Variants in TTN observed in about 807,000 individuals in gnomAD.
The protein encoded by TTN is connectin.
In TTN, 1,525 loss-of-function variants were observed where a neutral mutation model predicts 3,223.0. That is an observed-to-expected ratio of 0.47 (90% CI 0.45 to 0.49). TTN has a LOEUF of 0.49. TTN is among the 20% of genes least tolerant of loss of function. TTN has a pLI of 0.00. For synonymous variants in TTN, 14,094 were observed against 15,161.0 expected, an observed-to-expected ratio of 0.93 and a Z score of 5.17; for missense variants, 40,786 against 43,424.0, an observed-to-expected ratio of 0.94 and a Z score of 5.40.
At chr2:178,686,784 C>G (rs529263845) in intron 127 of TTN, among the ~76,000 whole-genome samples, 5 of 152,248 alleles carry the variant, frequency 3.3e-5, no homozygotes, top group African/African-American at 1.2e-4. Flanking sequence ...GTAAACCTAA[C>G]AAGCCACCCA....
intron 120 of TTN, 115 bp downstream of exon 120, chr2:178,692,382 A>G (rs776707538): frequency 9.7e-7 from 1 of 1,033,802 alleles, no homozygotes; most frequent in Non-Finnish European, 1.4e-6. Context: ...CAATATACAC[A>G]GAATTAAATA....
chr2:178,689,969 A>G (rs2071940721), intron 121 of TTN, 73 bp from the exon 122 acceptor site: 3 of 1,258,176 alleles, frequency 2.4e-6, no homozygotes, highest in South Asian at 2.6e-5. Context: ...CACATGCACA[A>G]ATCTTTATGT....
At position 178,579,269 on chromosome 2, in the gene TTN, C is replaced by T; in HGVS notation, c.67761G>A (p.Gly22587=). Residue 22587 remains glycine, a synonymous_variant, in exon 320 of 363, where the codon GGG becomes GGA. Transcript: ENST00000589042. ...KPAPSVSWKK[G]EDPLATDTRV... is the part of the protein sequence containing the mutation. Reference sequence around the variant, plus strand: ...TAGTGTCAGTTGCTAGAGGATCTTCCCCTTTCTTCCAGGAGACTGATGGAG... The same window carrying T: ...TAGTGTCAGTTGCTAGAGGATCTTCTCCTTTCTTCCAGGAGACTGATGGAG... 1 of 1,613,270 alleles carries T rather than the reference C, an allele frequency of 6.2e-7. No homozygotes were observed. The highest frequency in any genetic ancestry group is 8.5e-7 in the Non-Finnish European group (1 of 1,179,512).
At chr2:178,759,229 T>G in intron 43 of TTN, 57 bp from the exon 44 acceptor site, 1 of 1,560,120 alleles carries the variant, frequency 6.4e-7, no homozygotes, top group Non-Finnish European at 8.8e-7. Context: ...ATTTTTACAA[T>G]TTACCTGCAA....
chr2:178,723,690 G>T lies in TTN; in HGVS notation c.21410C>A (p.Pro7137His), dbSNP rs886043853. 1 of 1,580,130 alleles carries T rather than the reference G, an allele frequency of 6.3e-7. No homozygotes were observed. The highest frequency in any genetic ancestry group is 8.6e-7 in the Non-Finnish European group (1 of 1,166,056). Residue 7137 changes from proline to histidine, a missense_variant, in exon 74 of 363, where the codon CCC becomes CAC. By Grantham distance (77) the Pro-to-His change is moderately conservative. Transcript: ENST00000589042. The part of the protein sequence containing the change: ...CRAVLTVQEP[P>H]SFVKEPEPLE... ...AGGTTCAGGTTCTTTCACAAAAGAG[G>T]GTGGTTCTATATAGACATGGAGAAC...
At position 178,652,674 on chromosome 2, in the gene TTN, G is replaced by A. The variant is rs1229690337; in HGVS notation, c.39022C>T (p.Pro13008Ser). 6.2e-7 allele frequency: 1 copy of A among 1,613,318 alleles called. No homozygotes were observed. The highest frequency in any genetic ancestry group is 8.5e-7 in the Non-Finnish European group (1 of 1,179,586). ...KKVPSAPPKK[P>S]EVPPVKVPEA... is the part of the protein sequence containing the mutation. Reference sequence around the variant, plus strand: ...ATACCTTTAACAGGTGGGACTTCAGGCTTTTTAGGAGGAGCCGAGGGCACT... The same window carrying A: ...ATACCTTTAACAGGTGGGACTTCAGACTTTTTAGGAGGAGCCGAGGGCACT... The change falls in exon 201 of 363, where the codon CCT (proline) becomes TCT (serine). Residue 13008 changes from proline (P) to serine (S), a missense_variant. Coordinates refer to ENST00000589042, the MANE Select transcript of TTN (RefSeq NM_001267550.2).
chr2:178,763,403 A>T (rs1222157488), intron 43 of TTN, among the ~76,000 whole-genome samples: 1 of 152,232 alleles, frequency 6.6e-6, no homozygotes, highest in East Asian at 1.9e-4. Flanking sequence ...GTTTGGTAAC[A>T]GTCATTTAAC....
intron 278 of TTN, among the ~76,000 whole-genome samples, chr2:178,605,925 A>G (rs770878845): frequency 6.6e-6 from 1 of 152,016 alleles, no homozygotes; most frequent in Non-Finnish European, 1.5e-5. Context: ...CATCAAGATT[A>G]TCAGTGAAAA....
chr2:178,652,581 A>C, intron 201 of TTN, 40 bp from the exon 202 acceptor site: 2 of 1,611,982 alleles, frequency 1.2e-6, no homozygotes, highest in Non-Finnish European at 1.7e-6. Context: ...GAAGTTATGA[A>C]GACCATTAGG....
At position 178,591,639 on chromosome 2, in the gene TTN, G is replaced by T. The variant is rs876657610; in HGVS notation, c.60180C>A (p.Leu20060=). The change falls in exon 303 of 363, where the codon CTC becomes CTA. Residue 20060 remains leucine (L), a synonymous_variant. Coordinates refer to ENST00000589042, the MANE Select transcript of TTN (RefSeq NM_001267550.2). ...VKAENIVGLG[L]PDTTIPIECQ... Reference sequence around the variant, plus strand: ...ATTCTATCGGGATAGTTGTGTCAGGGAGACCAAGACCCACAATGTTTTCAG... The same window carrying T: ...ATTCTATCGGGATAGTTGTGTCAGGTAGACCAAGACCCACAATGTTTTCAG... 1 of 1,613,418 alleles carries T rather than the reference G, an allele frequency of 6.2e-7. No individual in the cohort carries two copies. Among genetic ancestry groups the T allele is most frequent in the East Asian group, 2.2e-5 (1 of 44,812 alleles).
Position 178,611,952 on chromosome 2 carries a change from T to C in TTN, c.50357A>G (p.Tyr16786Cys), listed in dbSNP as rs2056398658. 4.3e-6 allele frequency: 7 copies of C among 1,610,714 alleles called. No homozygotes were observed. Among genetic ancestry groups the C allele is most frequent in the Non-Finnish European group, 5.9e-6 (7 of 1,178,804 alleles). ...TAACCTTTCTTTCTTCTCAATGACA[T>C]ATCTATTGAAACAACAAAGCATTTC... ...KNDGGRPIQRYVIEKKERLGT... is the reference protein window; with the variant it reads ...KNDGGRPIQRCVIEKKERLGT... The change falls in exon 268 of 363, where the codon TAT becomes TGT. Residue 16786 changes from tyrosine to cysteine, a missense_variant and splice_region_variant. Physicochemically the swap from Tyr to Cys is radical, Grantham distance 194. Coordinates refer to ENST00000589042, the MANE Select transcript of TTN (RefSeq NM_001267550.2).
At chr2:178,614,424 T>C (rs2056928107) in intron 261 of TTN, 42 bp downstream of exon 261, 1 of 1,579,916 alleles carries the variant, frequency 6.3e-7, no homozygotes. Context: ...AGAAAGTAAC[T>C]GCAAAGAGTT....
rs2060072181 is a variant in TTN, at chr2:178,633,606, C to T, written c.42753G>A (p.Lys14251=). 1 of 1,613,168 alleles carries T rather than the reference C, an allele frequency of 6.2e-7. No homozygotes were observed. The highest frequency in any genetic ancestry group is 1.3e-5 in the African/African-American group (1 of 74,892). ...TAVEKDEITL[K]CEVSKDVPVK... is the part of the protein sequence containing the mutation. Reference sequence around the variant, plus strand: ...CTGGTACATCTTTGCTCACTTCACACTTCAAAGTAATCTCATCCTTCTCCA... The same window carrying T: ...CTGGTACATCTTTGCTCACTTCACATTTCAAAGTAATCTCATCCTTCTCCA... Residue 14251 remains lysine, a synonymous_variant, in exon 232 of 363, where the codon AAG becomes AAA. Coordinates refer to ENST00000589042, the MANE Select transcript of TTN (RefSeq NM_001267550.2).
intron 354 of TTN, 97 bp downstream of exon 354, chr2:178,538,443 C>A: frequency 8.2e-7 from 1 of 1,226,832 alleles, no homozygotes; most frequent in Non-Finnish European, 1.1e-6. Flanking sequence ...ACTTGCTCTC[C>A]AATAAAGCTT....
At chr2:178,771,113 A>AT (rs1244483739) in intron 34 of TTN, 98 bp downstream of exon 34, 1 of 1,567,048 alleles carries the variant, frequency 6.4e-7, no homozygotes, top group Non-Finnish European at 8.7e-7. Flanking sequence ...TGAAATGAAA[A>AT]TTTATGGTAT....
Position 178,611,290 on chromosome 2 carries a change from AAG to A in TTN, c.50858-21_50858-20del. 1 of 1,611,006 alleles carries A rather than the reference AAG, an allele frequency of 6.2e-7. No homozygotes were observed. Among genetic ancestry groups the A allele is most frequent in the Non-Finnish European group, 8.5e-7 (1 of 1,178,864 alleles). On this transcript the variant is annotated intron_variant, in intron 269 of 362. Coordinates refer to ENST00000589042, the MANE Select transcript of TTN (RefSeq NM_001267550.2). ...GGCTTGCCTGTAAGATATCATTCAA[AAG>A]AGCAAAAAACAGAGTATGTCAAAAT...
In TTN at chr2:178,799,954, C is replaced by A. The variant is rs756478271; in HGVS notation, c.584-44G>T. 5 of 1,589,822 alleles carry A rather than the reference C, an allele frequency of 3.1e-6. No individual in the cohort carries two copies. The African/African-American group carries it at 5.4e-5, about 17-fold the overall frequency. On this transcript the variant is annotated intron_variant, in intron 4 of 362. Coordinates refer to ENST00000589042, the MANE Select transcript of TTN (RefSeq NM_001267550.2). ...GAATGTTTGGGAGGGGGCACAATGA[C>A]CCATTTTAAAAGAGATTCTGTTAAT...
In TTN at chr2:178,618,280, A is replaced by G; in HGVS notation, c.47178T>C (p.Val15726=). ...TTGCACTCACACGGAATAGGTACTCAACTCCTCCTTTCTGTAGACCAGTGA... is the reference window on the plus strand; with the variant it reads ...TTGCACTCACACGGAATAGGTACTCGACTCCTCCTTTCTGTAGACCAGTGA... ...FTVTGLQKGG[V]EYLFRVSARN... is the part of the protein sequence containing the mutation. Residue 15726 remains valine (V), a synonymous_variant, in exon 252 of 363, where the codon GTT becomes GTC. Transcript: ENST00000589042. 6 of 1,612,708 alleles carry G rather than the reference A, an allele frequency of 3.7e-6. No individual in the cohort carries two copies. The highest frequency in any genetic ancestry group is 5.1e-6 in the Non-Finnish European group (6 of 1,179,168).
At chr2:178,800,043 G>C (rs2093982286) in intron 4 of TTN, 133 bp from the exon 5 acceptor site, 4 of 962,170 alleles carry the variant, frequency 4.2e-6, no homozygotes, top group South Asian at 1.6e-5. Context: ...GAAAGTTTTG[G>C]ATTTTGCATG....
Sources: gnomAD v4.1 joint callset for allele counts (sites outside exome capture counted in the v4.1 genomes callset) on GRCh38, gnomAD v4.1.1 for gene constraint, MANE v1.5 for transcripts, NCBI Gene and HGNC (gene_info 2026-07-23, HGNC 2026-07-21) for gene names.